The following DAO variants were observed in gnomAD, a reference collection of about 807,000 sequenced individuals.
DAO encodes D-amino acid oxidase.
DAO carries 51 observed loss-of-function variants against 50.1 expected under a neutral mutation model. The ratio of observed to expected loss-of-function variants is 1.02; its 90% CI spans 0.81 to 1.29. The LOEUF is 1.29. Ranked by LOEUF, DAO falls within the 50% of genes most tolerant of loss-of-function variation. The pLI is 0.00. For missense variants in DAO, 436 were observed against 439.4 expected, an observed-to-expected ratio of 0.99 and a Z score of 0.07; for synonymous variants, 160 against 166.2, an observed-to-expected ratio of 0.96 and a Z score of 0.29.
At chr12:108,895,262 C>T (rs925255149) in intron 7 of DAO, among the ~76,000 whole-genome samples, 3 of 150,750 alleles carry the variant, frequency 2.0e-5, no homozygotes, top group Admixed American at 6.6e-5. Flanking sequence ...TGTGTGTGTG[C>T]ATGTATGTGT....
At chr12:108,893,164 C>T (rs2039510761) in intron 6 of DAO, 128 bp downstream of exon 6, 2 of 774,858 alleles carry the variant, frequency 2.6e-6, no homozygotes, top group Non-Finnish European at 4.5e-6. Context: ...AGACCCTTGC[C>T]CCAGAAGCAC....
At chr12:108,887,282 G>A (rs749852795) in intron 2 of DAO, among the ~76,000 whole-genome samples, 168 bp from the exon 3 acceptor site, 4 of 152,168 alleles carry the variant, frequency 2.6e-5, no homozygotes, top group Non-Finnish European at 5.9e-5. Context: ...AAATTTAGGA[G>A]GGAGAAGACC....
intron 4 of DAO, among the ~76,000 whole-genome samples, chr12:108,889,761 C>A (rs2039470812): frequency 6.6e-6 from 1 of 152,102 alleles, no homozygotes; most frequent in Non-Finnish European, 1.5e-5. Flanking sequence ...AGATCTCAAG[C>A]CCAGAAGCTC....
At chr12:108,885,715 A>C (rs1003466699) in intron 2 of DAO, among the ~76,000 whole-genome samples, 1 of 152,108 alleles carries the variant, frequency 6.6e-6, no homozygotes, top group African/African-American at 2.4e-5. Flanking sequence ...ATACCACATG[A>C]TTGGTGAATC....
intron 9 of DAO, 44 bp from the exon 10 acceptor site, chr12:108,899,333 G>GAA (rs11420034): frequency 4.0e-4 from 588 of 1,473,546 alleles, no homozygotes; most frequent in South Asian, 1.6e-3. Flanking sequence ...ATGGCAGCAG[G>GAA]AAAAAAAAAT....
At chr12:108,886,790 A>G (rs1394286235) in intron 2 of DAO, among the ~76,000 whole-genome samples, 1 of 151,368 alleles carries the variant, frequency 6.6e-6, no homozygotes, top group African/African-American at 2.4e-5. Flanking sequence ...CACAGCTGTA[A>G]AAAACCAATG....
intron 8 of DAO, 161 bp from the exon 9 acceptor site, chr12:108,898,517 GT>G (rs1313042719): frequency 2.6e-5 from 19 of 723,260 alleles, no homozygotes; most frequent in South Asian, 2.0e-4. Flanking sequence ...GATGGAAGTG[GT>G]GATGGAAGAG....
chr12:108,900,449 T>A lies in DAO; in HGVS notation c.958T>A (p.Trp320Arg). ...TGGAGGCTACGGGCTCACCATCCAC[T>A]GGGGATGTGCCCTGGAGGCAGCCAA... is the stretch of plus-strand genomic sequence containing the variant. ...GHGGYGLTIH[W>R]GCALEAAKLF... The change falls in exon 11 of 11, where the codon TGG becomes AGG. Residue 320 changes from tryptophan to arginine, a missense_variant. Transcript: ENST00000228476. 5.6e-6 allele frequency: 9 copies of A among 1,614,126 alleles called. No individual in the cohort carries two copies. Among genetic ancestry groups the A allele is most frequent in the Non-Finnish European group, 7.6e-6 (9 of 1,179,996 alleles).
intron 1 of DAO, chr12:108,883,582 C>T: frequency 2.2e-6 from 1 of 455,798 alleles, no homozygotes; most frequent in Non-Finnish European, 4.4e-6. Flanking sequence ...TGCTAAACTT[C>T]TTATTTAATC....
chr12:108,880,375 C>G (rs989754377), intron 1 of DAO, 151 bp downstream of exon 1: 5 of 335,102 alleles, frequency 1.5e-5, no homozygotes, highest in African/African-American at 1.1e-4. Context: ...CTCAAACATC[C>G]AGCAGAGAGA....
At chr12:108,900,244 T>C (rs913952381) in intron 10 of DAO, 160 bp from the exon 11 acceptor site, 3 of 808,154 alleles carry the variant, frequency 3.7e-6, no homozygotes, top group Non-Finnish European at 6.1e-6. Flanking sequence ...TTCCAGGGGG[T>C]CCCCACCATT....
chr12:108,897,636 G>A (rs1178556454), intron 8 of DAO, among the ~76,000 whole-genome samples: 1 of 152,074 alleles, frequency 6.6e-6, no homozygotes, highest in Admixed American at 6.6e-5. Context: ...TGGAGACAAA[G>A]GCAGTGGATG....
intron 8 of DAO, 44 bp downstream of exon 8, chr12:108,897,132 G>A (rs1372556747): frequency 1.4e-6 from 2 of 1,422,618 alleles, no homozygotes; most frequent in Admixed American, 1.7e-5. Flanking sequence ...TCCCCTTCAT[G>A]CCCTCTTCAT....
intron 8 of DAO, 131 bp from the exon 9 acceptor site, chr12:108,898,548 G>C: frequency 1.3e-6 from 1 of 769,150 alleles, no homozygotes; most frequent in South Asian, 1.4e-5. Context: ...GGTGTTGATG[G>C]TGATGACAGT....
chr12:108,897,161 A>G (rs2039569186), intron 8 of DAO, 73 bp downstream of exon 8: 1 of 1,032,260 alleles, frequency 9.7e-7, no homozygotes, highest in Non-Finnish European at 1.5e-6. Flanking sequence ...TGCCTCCCCC[A>G]AGCTCCTTAC....
chr12:108,887,828 A>G (rs1460752237), intron 3 of DAO, among the ~76,000 whole-genome samples: 1 of 152,224 alleles, frequency 6.6e-6, no homozygotes, highest in Non-Finnish European at 1.5e-5. Context: ...CATGGCTAAA[A>G]TACAAACATG....
At chr12:108,899,541 G>C (rs2039599680) in intron 10 of DAO, 66 bp downstream of exon 10, 1 of 1,390,208 alleles carries the variant, frequency 7.2e-7, no homozygotes, top group Non-Finnish European at 1.0e-6. Flanking sequence ...GCATTTTCAG[G>C]GAACAGTCAT....
At chr12:108,891,036 T>C (rs1271210150) in intron 5 of DAO, among the ~76,000 whole-genome samples, 2 of 152,224 alleles carry the variant, frequency 1.3e-5, no homozygotes, top group African/African-American at 4.8e-5. Flanking sequence ...TTAGCCAGGA[T>C]GGTCTCAATC....
chr12:108,900,055 T>C (rs2039604284), intron 10 of DAO: 3 of 343,570 alleles, frequency 8.7e-6, no homozygotes, highest in African/African-American at 2.1e-5. Flanking sequence ...TGGAGCTCTT[T>C]GGGATAGGGA....
Sources: gnomAD v4.1 joint callset for allele counts (sites outside exome capture counted in the v4.1 genomes callset) on GRCh38, gnomAD v4.1.1 for gene constraint, MANE v1.5 for transcripts, NCBI Gene and HGNC (gene_info 2026-07-23, HGNC 2026-07-21) for gene names.